Variants in PTPRM observed in about 807,000 individuals in gnomAD.
The protein encoded by PTPRM is receptor-type tyrosine-protein phosphatase mu.
A neutral mutation model predicts 186.7 loss-of-function variants in PTPRM; 47 were observed. The ratio of observed to expected loss-of-function variants is 0.25; its 90% confidence interval spans 0.20 to 0.32. PTPRM has a LOEUF of 0.32. PTPRM is among the 10% of genes least tolerant of loss of function. PTPRM has a pLI of 1.00. For missense variants in PTPRM, 1,494 were observed against 1,865.0 expected (o/e 0.80, Z 3.66); for synonymous variants, 668 against 674.9 (o/e 0.99, Z 0.16).
At chr18:8,252,399 C>A (rs2094535913) in intron 17 of PTPRM, 89 bp from the exon 18 acceptor site, 4 of 1,077,302 alleles carry the variant, frequency 3.7e-6, no homozygotes, top group Non-Finnish European at 5.8e-6. Context: ...AAAATAAAAA[C>A]TACCTGTAAT....
intron 11 of PTPRM, among the ~76,000 whole-genome samples, chr18:8,103,216 A>T (rs1318191987): frequency 2.0e-5 from 3 of 152,236 alleles, no homozygotes; most frequent in African/African-American, 7.2e-5. Flanking sequence ...ACTTGCTAGC[A>T]GCATGAGCCC....
chr18:8,258,893 G>A (rs184476428), intron 19 of PTPRM, among the ~76,000 whole-genome samples: 1 of 151,836 alleles, frequency 6.6e-6, no homozygotes, highest in African/African-American at 2.4e-5. Context: ...GTGTGTACAT[G>A]TATGTATCTA....
intron 2 of PTPRM, among the ~76,000 whole-genome samples, chr18:7,782,721 GC>G (rs1170585494): frequency 6.6e-6 from 1 of 152,260 alleles, no homozygotes. Context: ...ATTTCATGCA[GC>G]ATAATGTTTT....
intron 2 of PTPRM, among the ~76,000 whole-genome samples, chr18:7,837,477 CAG>C (rs1432882921): frequency 6.6e-6 from 1 of 150,980 alleles, no homozygotes; most frequent in Non-Finnish European, 1.5e-5. Context: ...TTTTTTGAGT[CAG>C]AGTCTCACTC....
At chr18:7,933,960 T>C (rs901505024) in intron 5 of PTPRM, among the ~76,000 whole-genome samples, 1 of 152,232 alleles carries the variant, frequency 6.6e-6, no homozygotes, top group Non-Finnish European at 1.5e-5. Context: ...TTCCTAAATC[T>C]TCATTTCTTG....
intron 9 of PTPRM, among the ~76,000 whole-genome samples, chr18:8,076,771 A>T (rs1403302657): frequency 6.6e-6 from 1 of 152,176 alleles, no homozygotes; most frequent in Non-Finnish European, 1.5e-5. Context: ...CTTTACAATG[A>T]GTTGGACCTT....
intron 8 of PTPRM, among the ~76,000 whole-genome samples, chr18:8,075,884 A>G (rs910978238): frequency 6.6e-6 from 1 of 152,116 alleles, no homozygotes; most frequent in African/African-American, 2.4e-5. Flanking sequence ...TATAACTGTT[A>G]CTTACTTTCA....
chr18:7,853,781 G>T (rs2046974743), intron 2 of PTPRM, among the ~76,000 whole-genome samples: 1 of 151,978 alleles, frequency 6.6e-6, no homozygotes, highest in Non-Finnish European at 1.5e-5. Flanking sequence ...CTTTGGAACT[G>T]CTGTTGTCCA....
At chr18:7,656,403 C>CG (rs1314239186) in intron 1 of PTPRM, among the ~76,000 whole-genome samples, 1 of 151,822 alleles carries the variant, frequency 6.6e-6, no homozygotes, top group Non-Finnish European at 1.5e-5. Flanking sequence ...TGTGGTTCCC[C>CG]GGGGTGAGGG....
chr18:8,157,544 C>T (rs776176287), intron 14 of PTPRM, among the ~76,000 whole-genome samples: 8 of 152,226 alleles, frequency 5.3e-5, no homozygotes, highest in Non-Finnish European at 7.3e-5. Flanking sequence ...TGAGACAGCT[C>T]ATTTTCTCCT....
intron 2 of PTPRM, among the ~76,000 whole-genome samples, chr18:7,836,865 T>G (rs1270387044): frequency 6.6e-6 from 1 of 152,204 alleles, no homozygotes; most frequent in East Asian, 1.9e-4. Context: ...GCCAGATGTA[T>G]TGGAACTCCA....
In PTPRM at chr18:8,077,122, C is replaced by A. The variant is rs78931703; in HGVS notation, c.1551+558C>A. Among the ~76,000 whole-genome samples, 559 of 152,076 alleles carry A rather than the reference C, an allele frequency of 3.7e-3. 6 individuals are homozygous for A. Among genetic ancestry groups the A allele is most frequent in the African/African-American group, 0.013 (544 of 41,500 alleles). Reference sequence around the variant, plus strand: ...GCAGAGAAGAATTTGATGAATTGTTCAAGGAAAAAAGTAACAGCAATAACA... The same window carrying A: ...GCAGAGAAGAATTTGATGAATTGTTAAAGGAAAAAAGTAACAGCAATAACA... On this transcript the variant is annotated intron_variant, in intron 9 of 32. Coordinates refer to ENST00000580170, the MANE Select transcript of PTPRM (RefSeq NM_001105244.2).
At chr18:7,786,714 T>C (rs2043112293) in intron 2 of PTPRM, among the ~76,000 whole-genome samples, 1 of 152,214 alleles carries the variant, frequency 6.6e-6, no homozygotes, top group African/African-American at 2.4e-5. Context: ...CCTCCCTAAT[T>C]GTACTCTGTA....
intron 8 of PTPRM, among the ~76,000 whole-genome samples, chr18:8,070,575 G>T (rs376774655): frequency 2.6e-5 from 4 of 152,072 alleles, no homozygotes; most frequent in African/African-American, 9.7e-5. Context: ...AACCATGCAT[G>T]TCACCAGTAA....
intron 14 of PTPRM, among the ~76,000 whole-genome samples, chr18:8,184,377 C>G (rs1466244716): frequency 6.6e-6 from 1 of 152,066 alleles, no homozygotes; most frequent in Non-Finnish European, 1.5e-5. Context: ...AGGGTAAAGT[C>G]CCACTGACTT....
intron 2 of PTPRM, among the ~76,000 whole-genome samples, chr18:7,804,252 G>C (rs540916404): frequency 1.3e-5 from 2 of 152,104 alleles, no homozygotes; most frequent in Non-Finnish European, 2.9e-5. Flanking sequence ...AACACTGAGG[G>C]GGGTGGGCTG....
At chr18:8,244,508 CCTT>C (rs1291458675) in intron 15 of PTPRM, among the ~76,000 whole-genome samples, 1 of 152,144 alleles carries the variant, frequency 6.6e-6, no homozygotes, top group African/African-American at 2.4e-5. Context: ...TTCTCATCAT[CCTT>C]CTTGTTGTTT....
chr18:8,051,894 A>T (rs2087527335), intron 7 of PTPRM, among the ~76,000 whole-genome samples: 1 of 152,196 alleles, frequency 6.6e-6, no homozygotes, highest in Non-Finnish European at 1.5e-5. Context: ...TCGTTGTTAC[A>T]TGGTTATTAC....
intron 2 of PTPRM, among the ~76,000 whole-genome samples, chr18:7,805,656 G>T (rs1443700446): frequency 3.3e-5 from 5 of 152,030 alleles, no homozygotes; most frequent in African/African-American, 7.2e-5. Flanking sequence ...TTTTAGTCTG[G>T]ACTGTAACTT....
Sources: gnomAD v4.1 joint callset for allele counts (sites outside exome capture counted in the v4.1 genomes callset) on GRCh38, gnomAD v4.1.1 for gene constraint, MANE v1.5 for transcripts, NCBI Gene and HGNC (gene_info 2026-07-23, HGNC 2026-07-21) for gene names.